Variants in PRORP observed in about 807,000 individuals in gnomAD.
The protein encoded by PRORP is protein only RNase P catalytic subunit.
Under a neutral mutation model 59.4 loss-of-function variants are expected in PRORP, and 51 were observed. The observed-to-expected ratio is 0.86, with a 90% CI of 0.69 to 1.08. The LOEUF (loss-of-function observed/expected upper bound fraction) is 1.08. PRORP is among the 50% of genes least tolerant of loss of function. The pLI is 0.00. For missense variants in PRORP, 646 were observed against 690.3 expected (o/e 0.94, Z 0.72); for synonymous variants, 231 against 245.6 (o/e 0.94, Z 0.55).
At chr14:35,190,873 C>T (rs905310218) in intron 5 of PRORP, among the ~76,000 whole-genome samples, 2 of 152,144 alleles carry the variant, frequency 1.3e-5, no homozygotes, top group African/African-American at 4.8e-5. Context: ...AGCACTTGAA[C>T]CAACATCTCT....
intron 5 of PRORP, among the ~76,000 whole-genome samples, chr14:35,226,653 T>C (rs779178988): frequency 7.2e-5 from 11 of 152,212 alleles, no homozygotes; most frequent in Non-Finnish European, 1.6e-4. Context: ...GCAACTTTAC[T>C]GTGACGAGAT....
At chr14:35,121,991 G>T, upstream of PRORP, 1 of 1,613,570 alleles carries the variant, frequency 6.2e-7, no homozygotes, top group Non-Finnish European at 8.5e-7. Context: ...TTCTGCATTT[G>T]CTGTTTCCTA....
At chr14:35,251,664 C>T (rs563556157) in intron 5 of PRORP, among the ~76,000 whole-genome samples, 36 of 152,258 alleles carry the variant, frequency 2.4e-4, no homozygotes, top group Non-Finnish European at 4.4e-4. Context: ...AAGCGATTCT[C>T]CTGCCTCAGC....
intron 4 of PRORP, among the ~76,000 whole-genome samples, chr14:35,147,171 A>G (rs2047632132): frequency 6.6e-6 from 1 of 152,178 alleles, no homozygotes; most frequent in Admixed American, 6.5e-5. Context: ...GTCTAAAAAA[A>G]TATATATAGA....
intron 5 of PRORP, among the ~76,000 whole-genome samples, chr14:35,257,252 T>A (rs2050784364): frequency 6.6e-6 from 1 of 152,224 alleles, no homozygotes; most frequent in Admixed American, 6.5e-5. Context: ...TACAGTTCAG[T>A]GGCATTAAGT....
At chr14:35,192,658 G>T (rs2048911705) in intron 5 of PRORP, among the ~76,000 whole-genome samples, 1 of 152,068 alleles carries the variant, frequency 6.6e-6, no homozygotes, top group South Asian at 2.1e-4. Context: ...CCTTGAGGAG[G>T]CAGGGACAAC....
intron 4 of PRORP, among the ~76,000 whole-genome samples, chr14:35,179,796 G>T (rs144689249): frequency 6.6e-6 from 1 of 152,230 alleles, no homozygotes; most frequent in Non-Finnish European, 1.5e-5. Context: ...TTCCTTTGGA[G>T]GGGGAGAGGT....
chr14:35,158,373 C>T (rs1468854222), intron 4 of PRORP: 2 of 305,880 alleles, frequency 6.5e-6, no homozygotes, highest in Non-Finnish European at 1.3e-5. Context: ...TTACCAACAC[C>T]CCAAGGATAC....
intron 6 of PRORP, among the ~76,000 whole-genome samples, chr14:35,269,959 A>G (rs2051143261): frequency 6.6e-6 from 1 of 152,208 alleles, no homozygotes; most frequent in Admixed American, 6.5e-5. Context: ...GTTCAGCTTT[A>G]GGGGCAGCCA....
chr14:35,176,667 T>C lies in PRORP; in HGVS notation c.1168-4003T>C, dbSNP rs1175297701. 4.6e-5 allele frequency among the ~76,000 whole-genome samples: 7 copies of C among 152,208 alleles called. No individual in the cohort carries two copies. The East Asian group carries it at 1.3e-3, about 29-fold the overall frequency. Reference sequence around the variant, plus strand: ...CTGAGACAATGGGGTTTTCTAAATATACGATCATGTCATCTGCAAACAGGG... The same window carrying C: ...CTGAGACAATGGGGTTTTCTAAATACACGATCATGTCATCTGCAAACAGGG... On this transcript the variant is annotated intron_variant, in intron 4 of 7. Coordinates refer to ENST00000534898, the MANE Select transcript of PRORP (RefSeq NM_014672.4).
intron 4 of PRORP, among the ~76,000 whole-genome samples, chr14:35,145,448 G>A (rs1372800871): frequency 7.0e-6 from 1 of 143,676 alleles, no homozygotes; most frequent in Non-Finnish European, 1.5e-5. Flanking sequence ...AAGGCCGGGC[G>A]CAGTGGCTCA....
chr14:35,206,021 T>C (rs981365625), intron 5 of PRORP, among the ~76,000 whole-genome samples: 7 of 152,198 alleles, frequency 4.6e-5, no homozygotes, highest in African/African-American at 1.4e-4. Flanking sequence ...GGGTCTGTTA[T>C]TTGTTTTAGA....
chr14:35,198,173 A>C (rs183187086), intron 5 of PRORP, among the ~76,000 whole-genome samples: 3 of 152,392 alleles, frequency 2.0e-5, no homozygotes, highest in Middle Eastern at 3.4e-3. Flanking sequence ...TTTCCACTAT[A>C]AGACTCATTC....
At chr14:35,263,103 T>C in intron 5 of PRORP, 1 of 1,084,460 alleles carries the variant, frequency 9.2e-7, no homozygotes, top group East Asian at 2.4e-5. Flanking sequence ...TTGTGATGTT[T>C]AAATGATGCA....
At chr14:35,132,398 C>T (rs529352112) in intron 4 of PRORP, among the ~76,000 whole-genome samples, 19 of 151,862 alleles carry the variant, frequency 1.3e-4, no homozygotes, top group African/African-American at 3.4e-4. Context: ...CCGGAGGTTG[C>T]GGTGAGCCAA....
At chr14:35,261,449 A>G (rs956442374) in intron 5 of PRORP, among the ~76,000 whole-genome samples, 8 of 152,152 alleles carry the variant, frequency 5.3e-5, no homozygotes, top group African/African-American at 1.9e-4. Context: ...TATTCCAAGT[A>G]GCCAGGCGCG....
chr14:35,142,466 A>G (rs1045466371), intron 4 of PRORP, among the ~76,000 whole-genome samples: 2 of 141,680 alleles, frequency 1.4e-5, no homozygotes, highest in Non-Finnish European at 3.1e-5. Flanking sequence ...TCCCACCTCA[A>G]CTTCCCAAGT....
At chr14:35,151,629 CACACACACAT>C (rs984362435) in intron 4 of PRORP, among the ~76,000 whole-genome samples, 9 of 131,408 alleles carry the variant, frequency 6.8e-5, no homozygotes, top group African/African-American at 2.3e-4. Flanking sequence ...TGACATGCTA[CACACACACAT>C]ACACACACAC....
At chr14:35,165,718 T>A (rs2048167129) in intron 4 of PRORP, among the ~76,000 whole-genome samples, 1 of 152,038 alleles carries the variant, frequency 6.6e-6, no homozygotes, top group Admixed American at 6.6e-5. Context: ...CTTGCTCTGT[T>A]GCCCAGGCTG....
Sources: allele counts gnomAD v4.1 joint callset (sites outside exome capture counted in the v4.1 genomes callset), GRCh38; gene constraint gnomAD v4.1.1; transcripts MANE v1.5; gene names NCBI Gene and HGNC (gene_info 2026-07-23, HGNC 2026-07-21).